The following ASTN2 variants were observed in gnomAD, a reference collection of about 807,000 sequenced individuals.
The protein encoded by ASTN2 is astrotactin-2.
Under a neutral mutation model 139.8 loss-of-function variants are expected in ASTN2, and 54 were observed. The observed-to-expected ratio is 0.39, with a 90% CI of 0.31 to 0.48. The LOEUF is 0.48. ASTN2 is among the 20% of genes least tolerant of loss of function. ASTN2 has a pLI of 0.95. For synonymous variants in ASTN2, 756 were observed against 719.5 expected, an observed-to-expected ratio of 1.05 and a Z score of -0.81; for missense variants, 1,565 against 1,725.1, an observed-to-expected ratio of 0.91 and a Z score of 1.64.
intron 19 of ASTN2, among the ~76,000 whole-genome samples, chr9:116,575,809 G>A (rs1853701051): frequency 6.6e-6 from 1 of 152,144 alleles, no homozygotes; most frequent in Non-Finnish European, 1.5e-5. Flanking sequence ...GCAGGAGAAT[G>A]TGAACAGATT....
intron 11 of ASTN2, among the ~76,000 whole-genome samples, chr9:116,850,213 T>A (rs1214045519): frequency 6.6e-6 from 1 of 152,144 alleles, no homozygotes; most frequent in Non-Finnish European, 1.5e-5. Flanking sequence ...AAGGTTTTAT[T>A]CCCAAGGCCT....
At chr9:117,189,221 C>A (rs138487924) in intron 3 of ASTN2, among the ~76,000 whole-genome samples, 4 of 143,422 alleles carry the variant, frequency 2.8e-5, no homozygotes, top group African/African-American at 7.7e-5. Context: ...CCACTACCCA[C>A]TAGGCAGCAA....
At chr9:116,575,325 T>C (rs923047436) in intron 19 of ASTN2, among the ~76,000 whole-genome samples, 2 of 150,980 alleles carry the variant, frequency 1.3e-5, no homozygotes, top group Admixed American at 6.6e-5. Flanking sequence ...TTCAGAAGGA[T>C]GGTAAGGTCC....
intron 16 of ASTN2, among the ~76,000 whole-genome samples, chr9:116,661,835 G>C (rs534434558): frequency 1.3e-5 from 2 of 151,922 alleles, no homozygotes; most frequent in Non-Finnish European, 2.9e-5. Flanking sequence ...GACACAGGAA[G>C]GGGAACATCA....
chr9:116,515,879 T>C (rs1587921429), intron 19 of ASTN2, among the ~76,000 whole-genome samples: 1 of 152,188 alleles, frequency 6.6e-6, no homozygotes, highest in African/African-American at 2.4e-5. Context: ...AACTTTATCA[T>C]GCATCAGAAT....
At chr9:117,257,456 A>C (rs1833717490) in intron 2 of ASTN2, among the ~76,000 whole-genome samples, 1 of 152,238 alleles carries the variant, frequency 6.6e-6, no homozygotes, top group Non-Finnish European at 1.5e-5. Flanking sequence ...AAAAATAGAA[A>C]GATTGCCCTG....
chr9:116,660,278 C>G (rs1858484754), intron 16 of ASTN2, among the ~76,000 whole-genome samples: 2 of 152,056 alleles, frequency 1.3e-5, no homozygotes, highest in Non-Finnish European at 2.9e-5. Context: ...CTGCCAAACC[C>G]TAGGACAACT....
intron 16 of ASTN2, among the ~76,000 whole-genome samples, chr9:116,697,009 C>G (rs961385662): frequency 6.7e-6 from 1 of 149,300 alleles, no homozygotes; most frequent in Non-Finnish European, 1.5e-5. Context: ...GCTTAAAGTA[C>G]CTTTATCCTC....
intron 19 of ASTN2, among the ~76,000 whole-genome samples, chr9:116,574,279 GCC>G (rs1853636561): frequency 6.6e-6 from 1 of 152,198 alleles, no homozygotes; most frequent in Non-Finnish European, 1.5e-5. Context: ...CAGACAGCCA[GCC>G]CATGGGTCCT....
intron 5 of ASTN2, among the ~76,000 whole-genome samples, chr9:117,073,799 G>T (rs1828200372): frequency 6.6e-6 from 1 of 152,168 alleles, no homozygotes; most frequent in Non-Finnish European, 1.5e-5. Context: ...CCTCAGCAAA[G>T]CAGAGAAGGC....
chr9:117,290,120 T>G (rs571559766), intron 2 of ASTN2, among the ~76,000 whole-genome samples: 26 of 152,270 alleles, frequency 1.7e-4, no homozygotes, highest in African/African-American at 6.0e-4. Context: ...CTGAGTGGCT[T>G]TATGCCAATC....
In ASTN2 at chr9:116,883,757, G is replaced by T. The variant is rs556037169; in HGVS notation, c.1890-20024C>A. Among the ~76,000 whole-genome samples the T allele has an allele frequency of 7.2e-5, 11 of 152,318 alleles. No homozygotes were observed. In the South Asian group the frequency reaches 1.9e-3, roughly 26 times the overall value. ...CATGAAGGTAGGCCTACTTGGATTT[G>T]CAGACTGATGCAGGCCAGGCACAGG... On this transcript the variant is annotated intron_variant, in intron 10 of 22. Transcript: ENST00000313400.
At position 117,118,830 on chromosome 9, in the gene ASTN2, C is replaced by T. The variant is rs577815577; in HGVS notation, c.1168+22496G>A. 4.3e-4 allele frequency among the ~76,000 whole-genome samples: 66 copies of T among 152,268 alleles called. 5 individuals carry two copies. Among genetic ancestry groups the T allele is most frequent in the African/African-American group, 1.5e-3 (62 of 41,558 alleles). ...TCTTTCTCTTCCTACAATGTTGTTT[C>T]TCCACAGGTCTCTGTGCAACTGTCA... On this transcript the variant is annotated intron_variant, in intron 4 of 22. Coordinates refer to ENST00000313400, the MANE Select transcript of ASTN2 (RefSeq NM_001365068.1).
chr9:116,538,831 A>G (rs770148636), intron 19 of ASTN2, among the ~76,000 whole-genome samples: 1 of 149,966 alleles, frequency 6.7e-6, no homozygotes, highest in Non-Finnish European at 1.5e-5. Context: ...AGATAAGTAC[A>G]ATCCTTAACA....
At chr9:116,777,963 C>T (rs1349819425) in intron 13 of ASTN2, among the ~76,000 whole-genome samples, 2 of 152,096 alleles carry the variant, frequency 1.3e-5, no homozygotes, top group Admixed American at 6.6e-5. Context: ...CCGCCTCAGC[C>T]TCCCGAGCAG....
chr9:117,152,699 G>A, intron 3 of ASTN2, among the ~76,000 whole-genome samples: 1 of 152,108 alleles, frequency 6.6e-6, no homozygotes, highest in Middle Eastern at 3.2e-3. Flanking sequence ...CAGCTAGTTG[G>A]AAGAAAGGGG....
chr9:117,256,802 C>G (rs1182724465), intron 2 of ASTN2, among the ~76,000 whole-genome samples: 1 of 152,146 alleles, frequency 6.6e-6, no homozygotes, highest in East Asian at 1.9e-4. Context: ...TTTCATTCAA[C>G]AGCATATTTG....
intron 19 of ASTN2, among the ~76,000 whole-genome samples, chr9:116,543,999 T>C (rs1449435926): frequency 6.6e-6 from 1 of 152,166 alleles, no homozygotes; most frequent in African/African-American, 2.4e-5. Context: ...TATTAGAACA[T>C]AACATTGTCT....
chr9:117,279,513 G>A (rs75480164), intron 2 of ASTN2, among the ~76,000 whole-genome samples: 9,939 of 152,254 alleles, frequency 0.065, 375 homozygotes, highest in South Asian at 0.14. Flanking sequence ...GAGGCACAGA[G>A]AAGTTAAGTA....
Sources: allele counts gnomAD v4.1 joint callset (sites outside exome capture counted in the v4.1 genomes callset), GRCh38; gene constraint gnomAD v4.1.1; transcripts MANE v1.5; gene names NCBI Gene and HGNC (gene_info 2026-07-23, HGNC 2026-07-21).